The following PCDHGA8 variants were observed in gnomAD, a reference collection of about 807,000 sequenced individuals.
The protein encoded by PCDHGA8 is protocadherin gamma-A8.
A neutral mutation model predicts 59.2 loss-of-function variants in PCDHGA8; 45 were observed. The observed-to-expected ratio is 0.76, with a 90% CI of 0.60 to 0.98. The LOEUF (loss-of-function observed/expected upper bound fraction) is 0.98. Ranked by LOEUF, PCDHGA8 falls within the 50% of genes least tolerant of loss-of-function variation. PCDHGA8 has a pLI of 0.00. For synonymous variants in PCDHGA8, 531 were observed against 519.0 expected (o/e 1.02, Z -0.32); for missense variants, 1,257 against 1,196.2 (o/e 1.05, Z -0.75).
At chr5:141,409,920 C>T (rs759433257) in intron 1 of PCDHGA8, 2 of 1,613,400 alleles carry the variant, frequency 1.2e-6, no homozygotes, top group Non-Finnish European at 1.7e-6. Flanking sequence ...GACGGCTCCG[C>T]GTTCTTCGAT....
chr5:141,475,486 T>G (rs576743657), intron 1 of PCDHGA8, among the ~76,000 whole-genome samples: 1 of 152,252 alleles, frequency 6.6e-6, no homozygotes, highest in Non-Finnish European at 1.5e-5. Flanking sequence ...TGGTAAGAGA[T>G]AAAACTGAAA....
intron 1 of PCDHGA8, among the ~76,000 whole-genome samples, chr5:141,436,848 AT>A (rs1247905529): frequency 6.6e-6 from 1 of 152,244 alleles, no homozygotes; most frequent in African/African-American, 2.4e-5. Flanking sequence ...CACATTCTTG[AT>A]TGAGAAGCCA....
At chr5:141,409,125 A>AT in intron 1 of PCDHGA8, 1 of 1,613,982 alleles carries the variant, frequency 6.2e-7, no homozygotes, top group African/African-American at 1.3e-5. Flanking sequence ...CAGTCATTTG[A>AT]TTTTGAAGAT....
At position 141,410,109 on chromosome 5, in the gene PCDHGA8, A is replaced by T. The variant is rs771550139; in HGVS notation, c.2424+14872A>T. On this transcript the variant is annotated intron_variant, in intron 1 of 3. Transcript: ENST00000398604. ...ACGGCTCGAGCCTTAGGCGACAGGG[A>T]CGCAGCCCGCCAGCGCCTGCTGGTC... is the stretch of plus-strand genomic sequence containing the variant. 9.9e-6 allele frequency: 16 copies of T among 1,612,380 alleles called. 1 individual carries two copies. The South Asian group carries it at 1.6e-4, about 17-fold the overall frequency.
chr5:141,487,069 T>C lies in PCDHGA8; in HGVS notation c.2425-7738T>C, dbSNP rs750739955. 26 of 1,614,160 alleles carry C rather than the reference T, an allele frequency of 1.6e-5. No homozygotes were observed. Among genetic ancestry groups the C allele is most frequent in the Non-Finnish European group, 2.0e-5 (24 of 1,180,002 alleles). On this transcript the variant is annotated intron_variant, in intron 1 of 3. Transcript: ENST00000398604. This position sits in a 1 kb window ranked among gnomAD's most constrained non-coding sequence, Gnocchi z 5.0. The stretch of plus-strand genomic sequence containing the variant: ...ATGCTGGGGAGGTGCGGACGGCTGT[T>C]CCTATCCCAGCTGACCTCCCACCAC...
intron 1 of PCDHGA8, among the ~76,000 whole-genome samples, chr5:141,465,966 C>T (rs904439039): frequency 5.3e-5 from 8 of 151,802 alleles, no homozygotes; most frequent in Non-Finnish European, 1.0e-4. Context: ...ACTAAAAATA[C>T]AAAAAATTAG....
intron 1 of PCDHGA8, chr5:141,404,131 A>G (rs756505012): frequency 1.2e-6 from 2 of 1,613,162 alleles, no homozygotes; most frequent in South Asian, 2.2e-5. Context: ...TATCTTTTAC[A>G]TTAGAAAATT....
intron 2 of PCDHGA8, among the ~76,000 whole-genome samples, chr5:141,500,904 C>T (rs2099803610): frequency 6.6e-6 from 1 of 151,662 alleles, no homozygotes; most frequent in Non-Finnish European, 1.5e-5. Context: ...CAGTCTCGCT[C>T]TGTCTCCAGG....
At position 141,409,164 on chromosome 5, in the gene PCDHGA8, C is replaced by T. The variant is rs115772303; in HGVS notation, c.2424+13927C>T. ...GAAAGGTACACCATGGAAGTGGAAG[C>T]GAAGGACGGAGGTGGTCTCTCTACC... On this transcript the variant is annotated intron_variant, in intron 1 of 3. Transcript: ENST00000398604. 2.0e-3 allele frequency: 3,227 copies of T among 1,613,908 alleles called. 51 individuals are homozygous for T. In the African/African-American group the frequency reaches 0.029, roughly 14 times the overall value.
chr5:141,504,010 C>G (rs980812107), intron 2 of PCDHGA8, among the ~76,000 whole-genome samples: 9 of 152,204 alleles, frequency 5.9e-5, no homozygotes, highest in African/African-American at 1.2e-4. Context: ...TTAACTGTCT[C>G]TGCTGGTCTC....
At chr5:141,446,831 T>C (rs1237079019) in intron 1 of PCDHGA8, among the ~76,000 whole-genome samples, 2 of 152,186 alleles carry the variant, frequency 1.3e-5, no homozygotes, top group East Asian at 3.9e-4. Context: ...TAGATCCTTA[T>C]AAGGCTGAGC....
At chr5:141,498,520 A>T (rs1178141390) in intron 2 of PCDHGA8, among the ~76,000 whole-genome samples, 1 of 149,264 alleles carries the variant, frequency 6.7e-6, no homozygotes, top group Non-Finnish European at 1.5e-5. Flanking sequence ...CATCTTGCCC[A>T]CTGCCCTCCA....
At chr5:141,438,630 A>ATG (rs2098034686) in intron 1 of PCDHGA8, among the ~76,000 whole-genome samples, 1 of 38,920 alleles carries the variant, frequency 2.6e-5, no homozygotes, top group Non-Finnish European at 4.2e-5. Flanking sequence ...ATATATATAT[A>ATG]TATATACACA....
intron 1 of PCDHGA8, among the ~76,000 whole-genome samples, chr5:141,442,784 A>C (rs1267270442): frequency 2.0e-5 from 3 of 152,212 alleles, no homozygotes; most frequent in Non-Finnish European, 4.4e-5. Flanking sequence ...ATTATATTTT[A>C]TAATTTTACT....
At position 141,493,412 on chromosome 5, in the gene PCDHGA8, G is replaced by A. The variant is rs1288041038; in HGVS notation, c.2425-1395G>A. Among the ~76,000 whole-genome samples, 3 of 152,114 alleles carry A rather than the reference G, an allele frequency of 2.0e-5. No individual in the cohort carries two copies. The highest frequency in any genetic ancestry group is 4.4e-5 in the Non-Finnish European group (3 of 68,024). On this transcript the variant is annotated intron_variant, in intron 1 of 3. Coordinates refer to ENST00000398604, the MANE Select transcript of PCDHGA8 (RefSeq NM_032088.2). This position sits in a 1 kb window ranked among gnomAD's most constrained non-coding sequence, Gnocchi z 4.3. ...CAGGAGAGGGGAGTTGCCTCTGCTG[G>A]GATTTTGCTTCTGCTGGGATGGGGC...
intron 1 of PCDHGA8, chr5:141,414,831 G>A (rs1230752323): frequency 1.9e-6 from 3 of 1,614,212 alleles, no homozygotes; most frequent in Admixed American, 1.7e-5. Flanking sequence ...ACGTGTCGTT[G>A]AGCCTGTTTG....
At chr5:141,497,904 A>G (rs939422338) in intron 2 of PCDHGA8, among the ~76,000 whole-genome samples, 2 of 152,136 alleles carry the variant, frequency 1.3e-5, no homozygotes, top group African/African-American at 2.4e-5. Context: ...AGTAACTTCA[A>G]CTTCTCTCCT....
intron 1 of PCDHGA8, chr5:141,404,354 G>A (rs749866543): frequency 6.2e-7 from 1 of 1,613,916 alleles, no homozygotes; most frequent in Non-Finnish European, 8.5e-7. Flanking sequence ...CAACGCCAGA[G>A]GTACTTCCAT....
intron 1 of PCDHGA8, among the ~76,000 whole-genome samples, chr5:141,433,948 T>C (rs1473404279): frequency 2.0e-5 from 3 of 152,234 alleles, no homozygotes; most frequent in Non-Finnish European, 4.4e-5. Context: ...CATTGTTTCT[T>C]CTACAGTTGT....
Sources: gnomAD v4.1 joint callset for allele counts (sites outside exome capture counted in the v4.1 genomes callset) on GRCh38, gnomAD v4.1.1 for gene constraint, Gnocchi (gnomAD v3.1) non-coding constraint, MANE v1.5 for transcripts, NCBI Gene and HGNC (gene_info 2026-07-23, HGNC 2026-07-21) for gene names.